GTPBP1: variants seen among roughly 807,000 people sequenced by gnomAD.
GTPBP1 encodes the protein GTP binding protein 1.
In GTPBP1, 23 loss-of-function variants were observed where a neutral mutation model predicts 62.0. That is an observed-to-expected ratio of 0.37 (90% confidence interval 0.27 to 0.53). GTPBP1 has a LOEUF of 0.53. Ranked by LOEUF, GTPBP1 falls within the 20% of genes least tolerant of loss-of-function variation. The pLI is 0.89. For synonymous variants in GTPBP1, 344 were observed against 364.4 expected (o/e 0.94, Z 0.64); for missense variants, 640 against 917.3 (o/e 0.70, Z 3.90).
At chr22:38,737,843 C>T (rs1402373005), downstream of GTPBP1, 5 of 527,752 alleles carry the variant, frequency 9.5e-6, no homozygotes, top group South Asian at 3.1e-5. This position sits in a 1 kb window ranked among gnomAD's most constrained non-coding sequence, Gnocchi z 4.1. Context: ...AGAATGCCCG[C>T]GCCCTGGCAT....
chr22:38,723,640 C>T, intron 5 of GTPBP1: 1 of 447,238 alleles, frequency 2.2e-6, no homozygotes, highest in Non-Finnish European at 4.0e-6. Flanking sequence ...TATCCTCTTC[C>T]TTGTTCCTTC....
intron 5 of GTPBP1, among the ~76,000 whole-genome samples, chr22:38,722,440 G>A (rs2092705216): frequency 1.3e-5 from 2 of 152,314 alleles, no homozygotes; most frequent in African/African-American, 2.4e-5. Context: ...TTGTAGGCAA[G>A]CTTCAAGTAA....
downstream of GTPBP1, among the ~76,000 whole-genome samples, chr22:38,741,973 T>C (rs1390926351): frequency 6.6e-6 from 1 of 151,956 alleles, no homozygotes; most frequent in Non-Finnish European, 1.5e-5. Flanking sequence ...AAACCCTGTC[T>C]CTACTAAAAA....
intron 1 of GTPBP1, among the ~76,000 whole-genome samples, chr22:38,707,875 G>A (rs965064443): frequency 1.0e-3 from 159 of 152,282 alleles, no homozygotes; most frequent in African/African-American, 3.7e-3. Flanking sequence ...GATTCCGGAG[G>A]AACAGATTAG....
intron 4 of GTPBP1, among the ~76,000 whole-genome samples, chr22:38,720,879 GCCAGTGATGTTAAGTTGAAT>G (rs1380719429): frequency 6.6e-6 from 1 of 152,168 alleles, no homozygotes; most frequent in African/African-American, 2.4e-5. Context: ...GAAACTGAGG[GCCAGTGATGTTAAGTTGAAT>G]CCACTTTTTG....
chr22:38,727,928 G>T lies in GTPBP1; in HGVS notation c.1538-55G>T. ...ATGCTTTCACTCACTGCCTCCCGTTGTCCTGAAGCCACCAGGTGGCTCCAG... is the reference window on the plus strand; with the variant it reads ...ATGCTTTCACTCACTGCCTCCCGTTTTCCTGAAGCCACCAGGTGGCTCCAG... On this transcript the variant is annotated intron_variant, in intron 9 of 11. Transcript: ENST00000216044. The surrounding 1 kb of genome is among the most constrained non-coding windows in gnomAD (Gnocchi z 6.5). 1 of 1,309,696 alleles carries T rather than the reference G, an allele frequency of 7.6e-7. No homozygotes were observed. The allele number at this position is 1,309,696 out of a possible 1,614,324, so 81.1% of individuals were successfully genotyped here.
In GTPBP1 at chr22:38,727,081, G is replaced by T. The variant is rs2092730451; in HGVS notation, c.1402-132G>T. 1.2e-6 allele frequency: 1 copy of T among 819,098 alleles called. No individual in the cohort carries two copies. The highest frequency in any genetic ancestry group is 2.9e-5 in the Admixed American group (1 of 34,554). The allele number at this position is 819,098 out of a possible 1,614,324, so 50.7% of individuals were successfully genotyped here. ...TGCTGTCCACCCTAGAAGGCCTGTG[G>T]TCCAGTTGGTGAGGAAACCAGGCAG... is the stretch of plus-strand genomic sequence containing the variant. On this transcript the variant is annotated intron_variant, in intron 8 of 11. Transcript: ENST00000216044. This position sits in a 1 kb window ranked among gnomAD's most constrained non-coding sequence, Gnocchi z 6.5.
At chr22:38,733,773 C>T (rs1003090381), downstream of GTPBP1, among the ~76,000 whole-genome samples, 1 of 152,172 alleles carries the variant, frequency 6.6e-6, no homozygotes, top group East Asian at 1.9e-4. Context: ...AGGGGCAGCA[C>T]AGGTTTAGTT....
At position 38,705,954 on chromosome 22, in the gene GTPBP1, A is replaced by G; in HGVS notation, c.-2A>G. ...GCTACGAATTAGCCTAAGTTATTAA[A>G]GATGGCGACGGAGCGCAGTCGCTCC... On this transcript the variant is annotated 5_prime_UTR_variant, in exon 1 of 12. Transcript: ENST00000216044. 1 of 1,436,402 alleles carries G rather than the reference A, an allele frequency of 7.0e-7. No homozygotes were observed. Among genetic ancestry groups the G allele is most frequent in the Non-Finnish European group, 9.2e-7 (1 of 1,090,302 alleles). The allele number at this position is 1,436,402 out of a possible 1,614,324, so 89.0% of individuals were successfully genotyped here.
chr22:38,706,065 G>T lies in GTPBP1; in HGVS notation c.110G>T (p.Arg37Leu). The T allele has an allele frequency of 7.3e-7, 1 of 1,365,264 alleles. No homozygotes were observed. The highest frequency in any genetic ancestry group is 1.6e-5 in the South Asian group (1 of 62,188). The allele number at this position is 1,365,264 out of a possible 1,614,324, so 84.6% of individuals were successfully genotyped here. The change falls in exon 1 of 12, where the codon CGA (arginine) becomes CTA (leucine). Residue 37 changes from arginine (R) to leucine (L), a missense_variant. Arg to Leu is a moderately radical substitution (Grantham distance 102). Coordinates refer to ENST00000216044, the MANE Select transcript of GTPBP1 (RefSeq NM_004286.5). ...GCCAGGGCCGCGGCGGCCGCCGCCC[G>T]ACTCCACGGCGGCTTTGACTCGGAC... ...GAARAAAAAA[R>L]LHGGFDSDCS... is the part of the protein sequence containing the mutation.
chr22:38,708,816 G>A (rs771935460), intron 1 of GTPBP1, 29 bp from the exon 2 acceptor site: 2 of 1,207,390 alleles, frequency 1.7e-6, no homozygotes, highest in Admixed American at 1.7e-5. Flanking sequence ...TAGCAAGTGT[G>A]GTCCTAAGGC....
Position 38,726,180 on chromosome 22 carries a change from G to T in GTPBP1, c.1218+30G>T, listed in dbSNP as rs760135123. Reference sequence around the variant, plus strand: ...GTGGCTCTGGGCGGGTAGCTGGGTGGGCACTTCCTACAGTGGCATCAGGGG... The same window carrying T: ...GTGGCTCTGGGCGGGTAGCTGGGTGTGCACTTCCTACAGTGGCATCAGGGG... On this transcript the variant is annotated intron_variant, in intron 7 of 11. Transcript: ENST00000216044. The surrounding 1 kb of genome is among the most constrained non-coding windows in gnomAD (Gnocchi z 4.1). 3.1e-6 allele frequency: 5 copies of T among 1,609,166 alleles called. No homozygotes were observed. Among genetic ancestry groups the T allele is most frequent in the African/African-American group, 1.3e-5 (1 of 74,930 alleles).
chr22:38,741,428 C>T (rs980299800), downstream of GTPBP1: 70 of 1,516,608 alleles, frequency 4.6e-5, no homozygotes, highest in Admixed American at 3.7e-4. Context: ...CCGAGGGGTC[C>T]GAGGTGAACA....
At position 38,716,572 on chromosome 22, in the gene GTPBP1, AATT is replaced by A. The variant is rs1327182758; in HGVS notation, c.486-78_486-76del. 1.9e-6 allele frequency: 2 copies of A among 1,053,820 alleles called. No individual in the cohort carries two copies. The highest frequency in any genetic ancestry group is 2.8e-6 in the Non-Finnish European group (2 of 708,774). The allele number at this position is 1,053,820 out of a possible 1,614,324, so 65.3% of individuals were successfully genotyped here. A position where few individuals can be genotyped will look rare whatever the true frequency, so the allele number is the denominator to read the frequency against. On this transcript the variant is annotated intron_variant, in intron 3 of 11. Transcript: ENST00000216044. This position sits in a 1 kb window ranked among gnomAD's most constrained non-coding sequence, Gnocchi z 5.2. ...GGGGCAAGCCTGGACTTGCGGATCCAATTACTGGGGTTATGATGGTCGCTCCAC... is the reference window on the plus strand; with the variant it reads ...GGGGCAAGCCTGGACTTGCGGATCCAACTGGGGTTATGATGGTCGCTCCAC...
At chr22:38,729,330 C>CT in intron 10 of GTPBP1, 132 bp from the exon 11 acceptor site, 4 of 620,730 alleles carry the variant, frequency 6.4e-6, no homozygotes, top group Non-Finnish European at 1.1e-5. Flanking sequence ...TTCCTGCCAT[C>CT]TGCCTTGCCC....
chr22:38,729,227 G>A (rs929912074), intron 10 of GTPBP1: 4 of 412,236 alleles, frequency 9.7e-6, no homozygotes, highest in African/African-American at 8.2e-5. Context: ...GGCAGAGGCA[G>A]GAAGTGAGGC....
chr22:38,710,130 A>C (rs1407398746), intron 2 of GTPBP1, among the ~76,000 whole-genome samples: 1 of 152,256 alleles, frequency 6.6e-6, no homozygotes, highest in African/African-American at 2.4e-5. Flanking sequence ...TGCATCATTA[A>C]AGAAACACTT....
At chr22:38,739,281 C>T, downstream of GTPBP1, 1 of 1,565,826 alleles carries the variant, frequency 6.4e-7, no homozygotes, top group South Asian at 1.1e-5. This position sits in a 1 kb window ranked among gnomAD's most constrained non-coding sequence, Gnocchi z 6.7. Context: ...CTGGTAGATG[C>T]CAGGGGACCG....
chr22:38,740,810 C>A (rs2092850260), downstream of GTPBP1: 1 of 624,286 alleles, frequency 1.6e-6, no homozygotes, highest in Non-Finnish European at 2.8e-6. This position sits in a 1 kb window ranked among gnomAD's most constrained non-coding sequence, Gnocchi z 4.8. Context: ...CCCTCAGGAC[C>A]CCCCTGCTAA....
Sources: allele counts gnomAD v4.1 joint callset (sites outside exome capture counted in the v4.1 genomes callset), GRCh38; gene constraint gnomAD v4.1.1; non-coding constraint Gnocchi (gnomAD v3.1); transcripts MANE v1.5; gene names NCBI Gene and HGNC (gene_info 2026-07-23, HGNC 2026-07-21).